Variants in PRKAA2 observed in about 807,000 individuals in gnomAD.
The protein encoded by PRKAA2 is 5'-AMP-activated protein kinase catalytic subunit alpha-2.
PRKAA2 carries 40 observed loss-of-function variants against 56.3 expected under a neutral mutation model. That is an observed-to-expected ratio of 0.71 (90% CI 0.55 to 0.92). The LOEUF is 0.92. Ranked by LOEUF, PRKAA2 falls within the 40% of genes least tolerant of loss-of-function variation. The pLI, the probability that PRKAA2 is intolerant of heterozygous loss-of-function variation, is 0.00. For missense variants in PRKAA2, 542 were observed against 686.9 expected (o/e 0.79, Z 2.36); for synonymous variants, 214 against 234.2 (o/e 0.91, Z 0.79).
rs531112389 is a variant in PRKAA2, at chr1:56,677,293, C to G, written c.236+2771C>G. Reference sequence around the variant, plus strand: ...TTCACTTAACTGAAACAGTTAGTCTCTGACTTCAACTCTGTATTATTCATG... The same window carrying G: ...TTCACTTAACTGAAACAGTTAGTCTGTGACTTCAACTCTGTATTATTCATG... On this transcript the variant is annotated intron_variant, in intron 2 of 8. Transcript: ENST00000371244. 2.6e-5 allele frequency among the ~76,000 whole-genome samples: 4 copies of G among 152,312 alleles called. No individual in the cohort carries two copies. In the South Asian group the frequency reaches 8.3e-4, roughly 32 times the overall value.
intron 7 of PRKAA2, among the ~76,000 whole-genome samples, 178 bp from the exon 8 acceptor site, chr1:56,705,914 T>G (rs1435885694): frequency 6.6e-6 from 1 of 152,210 alleles, no homozygotes; most frequent in African/African-American, 2.4e-5. Flanking sequence ...AAATCTTAAT[T>G]GCCATACAGT....
chr1:56,677,438 A>C (rs1644121012), intron 2 of PRKAA2, among the ~76,000 whole-genome samples: 1 of 152,130 alleles, frequency 6.6e-6, no homozygotes, highest in Non-Finnish European at 1.5e-5. Flanking sequence ...CATATGCTAG[A>C]ATGAAAGTGG....
Position 56,712,052 on chromosome 1 carries a change from T to C in PRKAA2, c.*4339T>C, listed in dbSNP as rs1228363581. 2 of 152,142 alleles carry C rather than the reference T, an allele frequency of 1.3e-5. No homozygotes were observed. The highest frequency in any genetic ancestry group is 4.8e-5 in the African/African-American group (2 of 41,432). The allele number at this position is 152,142 out of a possible 1,614,324, so 9.4% of individuals were successfully genotyped here. On this transcript the variant is annotated 3_prime_UTR_variant, in exon 9 of 9. Transcript: ENST00000371244. ...TACAAATTTGGAGTGATGAAAGTGT[T>C]CCATATATTTTTTATAGTGATTTTT...
At chr1:56,653,898 A>G (rs964724181) in intron 1 of PRKAA2, among the ~76,000 whole-genome samples, 1 of 152,100 alleles carries the variant, frequency 6.6e-6, no homozygotes, top group Non-Finnish European at 1.5e-5. Flanking sequence ...ATACATACAT[A>G]TATATGTATG....
chr1:56,690,736 G>A (rs142605722), intron 2 of PRKAA2, among the ~76,000 whole-genome samples: 1 of 152,030 alleles, frequency 6.6e-6, no homozygotes, highest in Non-Finnish European at 1.5e-5. Flanking sequence ...GTAGTATCAT[G>A]TTACGTGTCC....
At chr1:56,679,424 TTC>T (rs1644137563) in intron 2 of PRKAA2, among the ~76,000 whole-genome samples, 1 of 152,174 alleles carries the variant, frequency 6.6e-6, no homozygotes, top group African/African-American at 2.4e-5. Context: ...CCAAATTTAC[TTC>T]TCTGTTTTTG....
intron 1 of PRKAA2, among the ~76,000 whole-genome samples, chr1:56,646,252 G>A (rs200605583): frequency 6.6e-6 from 1 of 152,124 alleles, no homozygotes; most frequent in Non-Finnish European, 1.5e-5. Flanking sequence ...TTGGGTCAGA[G>A]GTTAATTAAA....
intron 1 of PRKAA2, among the ~76,000 whole-genome samples, chr1:56,674,174 C>G (rs1644097072): frequency 6.6e-6 from 1 of 152,048 alleles, no homozygotes; most frequent in South Asian, 2.1e-4. Flanking sequence ...GCAAAAGATA[C>G]AGAGATGACT....
intron 2 of PRKAA2, among the ~76,000 whole-genome samples, chr1:56,678,585 G>C (rs1459081713): frequency 6.6e-6 from 1 of 151,846 alleles, no homozygotes; most frequent in African/African-American, 2.4e-5. Flanking sequence ...AGTAGAATTT[G>C]TTGAATTGAT....
At chr1:56,651,455 C>T (rs1643897282) in intron 1 of PRKAA2, among the ~76,000 whole-genome samples, 2 of 151,966 alleles carry the variant, frequency 1.3e-5, no homozygotes, top group African/African-American at 4.8e-5. Context: ...AGTAACTTGT[C>T]CAAAGTTCCA....
chr1:56,676,160 C>A (rs2100406793), intron 2 of PRKAA2, among the ~76,000 whole-genome samples: 1 of 152,236 alleles, frequency 6.6e-6, no homozygotes, highest in Admixed American at 6.5e-5. Flanking sequence ...CCCCCCATGT[C>A]TATTTCCTAA....
intron 1 of PRKAA2, among the ~76,000 whole-genome samples, chr1:56,670,395 C>G (rs1033780693): frequency 2.0e-5 from 3 of 152,170 alleles, no homozygotes; most frequent in South Asian, 2.1e-4. Context: ...TTGCTCTCCC[C>G]TTCTTAAGTC....
At chr1:56,702,906 A>G (rs1294721684) in intron 6 of PRKAA2, among the ~76,000 whole-genome samples, 1 of 152,230 alleles carries the variant, frequency 6.6e-6, no homozygotes, top group African/African-American at 2.4e-5. Flanking sequence ...CAGCTAAAAT[A>G]TAATCTTTGG....
At chr1:56,683,630 G>A (rs34294349) in intron 2 of PRKAA2, among the ~76,000 whole-genome samples, 13,857 of 152,056 alleles carry the variant, frequency 0.091, 1,261 homozygotes, top group African/African-American at 0.24. Context: ...GAGGGGTGGT[G>A]GGGAAATAGA....
chr1:56,671,802 G>C (rs905780353), intron 1 of PRKAA2, among the ~76,000 whole-genome samples: 3 of 152,132 alleles, frequency 2.0e-5, no homozygotes. Context: ...GACTTATTTA[G>C]CTCCTCTGTG....
At chr1:56,704,701 T>C (rs1424347437) in intron 7 of PRKAA2, among the ~76,000 whole-genome samples, 1 of 148,634 alleles carries the variant, frequency 6.7e-6, no homozygotes, top group African/African-American at 2.5e-5. Flanking sequence ...AGTAATCAAC[T>C]AGAAATCATC....
intron 1 of PRKAA2, among the ~76,000 whole-genome samples, chr1:56,663,502 A>G (rs376520186): frequency 4.9e-4 from 75 of 152,292 alleles, no homozygotes; most frequent in African/African-American, 1.7e-3. Flanking sequence ...GCCATGTTTC[A>G]TTTCCTATTA....
chr1:56,669,354 G>A (rs1644058766), intron 1 of PRKAA2, among the ~76,000 whole-genome samples: 2 of 152,152 alleles, frequency 1.3e-5, no homozygotes, highest in South Asian at 4.1e-4. Flanking sequence ...AGCTACTTGG[G>A]AGGCTGAGGC....
chr1:56,677,661 T>A (rs1644122955), intron 2 of PRKAA2, among the ~76,000 whole-genome samples: 1 of 268 alleles, frequency 3.7e-3, no homozygotes, highest in Non-Finnish European at 0.013. Flanking sequence ...TCTTTTCCTT[T>A]TTTTTTTTTT....
Sources: gnomAD v4.1 joint callset for allele counts (sites outside exome capture counted in the v4.1 genomes callset) on GRCh38, gnomAD v4.1.1 for gene constraint, MANE v1.5 for transcripts, NCBI Gene and HGNC (gene_info 2026-07-23, HGNC 2026-07-21) for gene names.